GALNT13: variants seen among roughly 807,000 people sequenced by gnomAD.
GALNT13 encodes the protein UDP-GalNAc:polypeptide N-acetylgalactosaminyltransferase 13.
A neutral mutation model predicts 64.2 loss-of-function variants in GALNT13; 28 were observed. That is an observed-to-expected ratio of 0.44 (90% confidence interval 0.32 to 0.60). GALNT13 has a LOEUF of 0.60. Ranked by LOEUF, GALNT13 falls within the 20% of genes least tolerant of loss-of-function variation. The pLI, the probability that GALNT13 is intolerant of heterozygous loss-of-function variation, is 0.05. For synonymous variants in GALNT13, 214 were observed against 224.6 expected, an observed-to-expected ratio of 0.95 and a Z score of 0.42; for missense variants, 577 against 669.8, an observed-to-expected ratio of 0.86 and a Z score of 1.53.
At chr2:153,390,666 T>C in the GALNT13 span, among the ~76,000 whole-genome samples, 1 of 152,098 alleles carries the variant, frequency 6.6e-6, no homozygotes, top group African/African-American at 2.4e-5. Flanking sequence ...TATGGTTTTA[T>C]TGAGATTTAT....
At chr2:153,636,533 C>T in the GALNT13 span, among the ~76,000 whole-genome samples, 9 of 152,092 alleles carry the variant, frequency 5.9e-5, no homozygotes, top group South Asian at 2.1e-4. Flanking sequence ...TAAATTCAAA[C>T]GTTCTCCCAC....
rs551245626 is a variant in GALNT13, at chr2:154,021,132, C to T, written c.142+76493C>T. Among the ~76,000 whole-genome samples the T allele has an allele frequency of 4.5e-3, 688 of 152,146 alleles. 9 individuals carry two copies. The highest frequency in any genetic ancestry group is 0.017 in the Admixed American group (264 of 15,272). On this transcript the variant is annotated intron_variant, in intron 3 of 12. Coordinates refer to ENST00000392825, the MANE Select transcript of GALNT13 (RefSeq NM_052917.4). Reference sequence around the variant, plus strand: ...TGTAGTATAGTTTGAAGTCAGGTAGCGTGATGCCTCCAGCTTTGTTCTTTT... The same window carrying T: ...TGTAGTATAGTTTGAAGTCAGGTAGTGTGATGCCTCCAGCTTTGTTCTTTT...
the GALNT13 span, among the ~76,000 whole-genome samples, chr2:153,733,328 G>GTTA: frequency 6.6e-6 from 1 of 152,130 alleles, no homozygotes; most frequent in Non-Finnish European, 1.5e-5. Context: ...AGCTACTGAA[G>GTTA]TTAGCCTGCC....
chr2:153,102,860 G>T, the GALNT13 span, among the ~76,000 whole-genome samples: 6 of 152,142 alleles, frequency 3.9e-5, no homozygotes, highest in African/African-American at 9.7e-5. Context: ...TGTCATGGCA[G>T]TGTCTACCAG....
chr2:154,141,749 A>G lies in GALNT13; in HGVS notation c.311+1244A>G, dbSNP rs368711484. On this transcript the variant is annotated intron_variant, in intron 4 of 12. Transcript: ENST00000392825. ...ATTGTCTATATGACTCTTTCACCCT[A>G]TAAAAGTGGTTTATTATGGTTTCCA... 5.2e-4 allele frequency among the ~76,000 whole-genome samples: 79 copies of G among 152,296 alleles called. 2 individuals are homozygous for G. In the South Asian group the frequency reaches 0.014, roughly 27 times the overall value.
chr2:153,162,095 C>A, the GALNT13 span, among the ~76,000 whole-genome samples: 2 of 152,112 alleles, frequency 1.3e-5, no homozygotes, highest in South Asian at 4.1e-4. Flanking sequence ...AGGAGGATGA[C>A]TGGAGAATTT....
At chr2:153,819,409 G>A in the GALNT13 span, among the ~76,000 whole-genome samples, 1 of 152,174 alleles carries the variant, frequency 6.6e-6, no homozygotes, top group African/African-American at 2.4e-5. Flanking sequence ...TCAAGTTGCT[G>A]CCTATCAAGG....
chr2:153,106,263 A>G, the GALNT13 span, among the ~76,000 whole-genome samples: 1 of 152,136 alleles, frequency 6.6e-6, no homozygotes, highest in African/African-American at 2.4e-5. Flanking sequence ...TAAATTATGC[A>G]TTGCTCCCTC....
the GALNT13 span, among the ~76,000 whole-genome samples, chr2:153,134,109 C>T: frequency 9.9e-5 from 15 of 152,144 alleles, no homozygotes; most frequent in Non-Finnish European, 1.9e-4. Flanking sequence ...TCCGTTTTGA[C>T]AGTTAAGATG....
At chr2:153,356,792 T>C in the GALNT13 span, among the ~76,000 whole-genome samples, 63,704 of 106,232 alleles carry the variant, frequency 0.6, 21,761 homozygotes, top group Middle Eastern at 0.69. Flanking sequence ...TCTTCCTCTT[T>C]TTTTTTTTTT....
At chr2:154,456,191 T>TTTGTTGTTGTTGTTG (rs70983725), downstream of GALNT13, among the ~76,000 whole-genome samples, 18,647 of 146,176 alleles carry the variant, frequency 0.13, 1,481 homozygotes, top group East Asian at 0.34. Flanking sequence ...TTTGTTTTGT[T>TTTGTTGTTGTTGTTG]TTGTTGTTGT....
intron 3 of GALNT13, among the ~76,000 whole-genome samples, chr2:154,120,565 A>G (rs1681883482): frequency 6.6e-6 from 1 of 152,132 alleles, no homozygotes; most frequent in Non-Finnish European, 1.5e-5. Context: ...ATGGAGGTAG[A>G]AGTCTCCCTG....
chr2:154,020,405 G>A (rs1415268978), intron 3 of GALNT13, among the ~76,000 whole-genome samples: 2 of 152,216 alleles, frequency 1.3e-5, no homozygotes, highest in Non-Finnish European at 2.9e-5. Flanking sequence ...ACTGGTGTGA[G>A]ATGGTATCTC....
At chr2:153,369,280 A>T in the GALNT13 span, among the ~76,000 whole-genome samples, 1 of 152,238 alleles carries the variant, frequency 6.6e-6, no homozygotes, top group East Asian at 1.9e-4. Context: ...GACTAAACTC[A>T]AAACAGGAGG....
intron 4 of GALNT13, among the ~76,000 whole-genome samples, chr2:154,153,637 G>A (rs1338568836): frequency 6.6e-6 from 1 of 152,192 alleles, no homozygotes; most frequent in African/African-American, 2.4e-5. Context: ...GGGCAATGGC[G>A]GGCGCCCCTC....
At chr2:153,862,754 C>T in the GALNT13 span, among the ~76,000 whole-genome samples, 79 of 151,902 alleles carry the variant, frequency 5.2e-4, no homozygotes, top group African/African-American at 1.3e-3. Flanking sequence ...TTTTCATATA[C>T]GTAAGATAAT....
the GALNT13 span, among the ~76,000 whole-genome samples, chr2:153,656,841 A>C: frequency 6.6e-6 from 1 of 152,126 alleles, no homozygotes; most frequent in African/African-American, 2.4e-5. Context: ...AAACAGTCAC[A>C]CATTGGGATG....
chr2:153,078,798 G>A, the GALNT13 span, among the ~76,000 whole-genome samples: 13 of 152,094 alleles, frequency 8.5e-5, no homozygotes, highest in South Asian at 2.1e-4. Flanking sequence ...ATTTTATTGA[G>A]TATTATCGTA....
the GALNT13 span, among the ~76,000 whole-genome samples, chr2:153,848,131 T>C: frequency 1.3e-5 from 2 of 152,192 alleles, no homozygotes; most frequent in African/African-American, 2.4e-5. Context: ...CCAGAAGCTG[T>C]AGGATGGGCC....
Sources: allele counts gnomAD v4.1 joint callset (sites outside exome capture counted in the v4.1 genomes callset), GRCh38; gene constraint gnomAD v4.1.1; transcripts MANE v1.5; gene names NCBI Gene and HGNC (gene_info 2026-07-23, HGNC 2026-07-21).